Variants in ATP8B4 observed in about 807,000 individuals in gnomAD.
The protein encoded by ATP8B4 is ATPase phospholipid transporting 8B4 (putative).
ATP8B4 carries 133 observed loss-of-function variants against 145.6 expected under a neutral mutation model. That is an observed-to-expected ratio of 0.91 (90% confidence interval 0.79 to 1.05). The LOEUF (loss-of-function observed/expected upper bound fraction) is 1.05. Among genes scored for constraint, ATP8B4 ranks in the 50% least tolerant of loss-of-function variants. The pLI is 0.00. For missense variants in ATP8B4, 1,458 were observed against 1,425.2 expected (o/e 1.02, Z -0.37); for synonymous variants, 507 against 492.9 (o/e 1.03, Z -0.38).
chr15:50,110,003 T>C (rs780892696), intron 1 of ATP8B4, among the ~76,000 whole-genome samples: 1 of 152,242 alleles, frequency 6.6e-6, no homozygotes, highest in Non-Finnish European at 1.5e-5. Context: ...ATGTTGCTAC[T>C]GTTAATTTCT....
intron 16 of ATP8B4, among the ~76,000 whole-genome samples, chr15:49,929,782 C>T (rs1448681426): frequency 6.6e-6 from 1 of 151,778 alleles, no homozygotes; most frequent in African/African-American, 2.4e-5. Flanking sequence ...AAAACAGGGC[C>T]AACAGTCTCA....
chr15:50,065,153 G>C (rs1319087187), intron 3 of ATP8B4, among the ~76,000 whole-genome samples: 1 of 152,014 alleles, frequency 6.6e-6, no homozygotes, highest in Non-Finnish European at 1.5e-5. Context: ...ATGTAAATCA[G>C]GTCGATTTAG....
chr15:49,915,125 C>A (rs1373724790), intron 20 of ATP8B4, among the ~76,000 whole-genome samples: 2 of 152,028 alleles, frequency 1.3e-5, no homozygotes, highest in Non-Finnish European at 2.9e-5. Context: ...GAATACTATT[C>A]AACCATCAAA....
rs184062577 is a variant in ATP8B4, at chr15:49,859,841, G to A, written c.*353C>T. The A allele has an allele frequency of 2.8e-4, 60 of 212,504 alleles. No homozygotes were observed. Among genetic ancestry groups the A allele is most frequent in the African/African-American group, 1.1e-3 (49 of 43,178 alleles). The allele number at this position is 212,504 out of a possible 1,614,324, so 13.2% of individuals were successfully genotyped here. On this transcript the variant is annotated 3_prime_UTR_variant, in exon 28 of 28. Coordinates refer to ENST00000284509, the MANE Select transcript of ATP8B4 (RefSeq NM_024837.4). ...ACCTTTAAAATGCACCCTTTTATCC[G>A]CCTGAGGATCCATTCAGTGAATATG...
In ATP8B4 at chr15:50,159,731, T is replaced by G. The variant is rs947177111; in HGVS notation, c.-43+22530A>C. On this transcript the variant is annotated intron_variant, in intron 1 of 3. Transcript: ENST00000558829. ...GCTTTTTCACCATCAACTGAAAAAATTATACGGCTTTTGTTCTTCATTCTA... is the reference window on the plus strand; with the variant it reads ...GCTTTTTCACCATCAACTGAAAAAAGTATACGGCTTTTGTTCTTCATTCTA... 4.6e-5 allele frequency among the ~76,000 whole-genome samples: 7 copies of G among 152,328 alleles called. No individual in the cohort carries two copies. In the East Asian group the frequency reaches 1.4e-3, roughly 29 times the overall value.
chr15:50,010,857 G>T lies in ATP8B4; in HGVS notation c.423C>A (p.Asn141Lys), dbSNP rs778354697. 1.3e-6 allele frequency: 2 copies of T among 1,557,916 alleles called. No individual in the cohort carries two copies. The highest frequency in any genetic ancestry group is 8.7e-7 in the Non-Finnish European group (1 of 1,150,142). ...KVGDIIKLENNQFVAADLLLL... is the reference protein window; with the variant it reads ...KVGDIIKLENKQFVAADLLLL... Reference sequence around the variant, plus strand: ...ATTGAATACTTACAGCAACAAATTGGTTATTTTCTAATTTAATGATGTCTC... The same window carrying T: ...ATTGAATACTTACAGCAACAAATTGTTTATTTTCTAATTTAATGATGTCTC... The change falls in exon 7 of 28, where the codon AAC becomes AAA. Residue 141 changes from asparagine to lysine, a missense_variant. Coordinates refer to ENST00000284509, the MANE Select transcript of ATP8B4 (RefSeq NM_024837.4).
chr15:50,054,023 T>A (rs752756161), intron 3 of ATP8B4, among the ~76,000 whole-genome samples: 1 of 152,202 alleles, frequency 6.6e-6, no homozygotes, highest in Non-Finnish European at 1.5e-5. Flanking sequence ...AGAGCATAGA[T>A]GTAAAAATAT....
intron 23 of ATP8B4, chr15:49,895,336 G>C (rs564275937): frequency 6.6e-6 from 1 of 152,386 alleles, no homozygotes; most frequent in African/African-American, 2.4e-5. Context: ...CTAGAGCCCA[G>C]TGGGCAGTGC....
chr15:49,950,130 T>C (rs970598765), intron 14 of ATP8B4, among the ~76,000 whole-genome samples: 1 of 152,194 alleles, frequency 6.6e-6, no homozygotes, highest in African/African-American at 2.4e-5. Context: ...TCTTTTTTTG[T>C]TGTGTCTCTT....
intron 6 of ATP8B4, among the ~76,000 whole-genome samples, chr15:50,015,722 T>C (rs1020917777): frequency 6.6e-6 from 1 of 152,206 alleles, no homozygotes; most frequent in Non-Finnish European, 1.5e-5. Flanking sequence ...GAGGAAAACA[T>C]ACAGCTTGGC....
At chr15:49,862,441 T>A (rs964400227) in intron 26 of ATP8B4, 66 bp from the exon 27 acceptor site, 93 of 1,534,982 alleles carry the variant, frequency 6.1e-5, no homozygotes, top group Non-Finnish European at 7.5e-5. Flanking sequence ...ATTAATAGGT[T>A]CTTTGTTCCT....
At chr15:49,864,783 T>A (rs1463473632) in intron 26 of ATP8B4, among the ~76,000 whole-genome samples, 1 of 152,190 alleles carries the variant, frequency 6.6e-6, no homozygotes, top group Non-Finnish European at 1.5e-5. Flanking sequence ...GGTTAACATT[T>A]AAAAAGTACT....
chr15:49,979,760 G>T lies in ATP8B4; in HGVS notation c.891C>A (p.Ile297=). Residue 297 remains isoleucine (I), a synonymous_variant, in exon 12 of 28, where the codon ATC becomes ATA. Coordinates refer to ENST00000284509, the MANE Select transcript of ATP8B4 (RefSeq NM_024837.4). Reference sequence around the variant, plus strand: ...ATTGGTCCCCAGTTTGACTCTCCCAGATTGAATTTCCTATTGCAAGAATAA... The same window carrying T: ...ATTGGTCCCCAGTTTGACTCTCCCATATTGAATTTCCTATTGCAAGAATAA... The part of the protein sequence containing the change: ...LGIILAIGNS[I]WESQTGDQFR... 1 of 1,609,680 alleles carries T rather than the reference G, an allele frequency of 6.2e-7. No individual in the cohort carries two copies. Among genetic ancestry groups the T allele is most frequent in the Admixed American group, 1.7e-5 (1 of 59,614 alleles).
At chr15:50,011,272 C>T (rs922730430) in intron 6 of ATP8B4, among the ~76,000 whole-genome samples, 3 of 152,156 alleles carry the variant, frequency 2.0e-5, no homozygotes, top group Non-Finnish European at 4.4e-5. Context: ...ACAGAAACAT[C>T]ATTGCCATTG....
intron 10 of ATP8B4, among the ~76,000 whole-genome samples, chr15:49,983,516 T>TGTGAAA (rs2046333389): frequency 6.6e-5 from 10 of 152,296 alleles, no homozygotes; most frequent in Admixed American, 5.9e-4. Flanking sequence ...GACCATCACC[T>TGTGAAA]CTCAACTGTG....
chr15:50,010,913 G>T lies in ATP8B4; in HGVS notation c.367C>A (p.Gln123Lys). The T allele has an allele frequency of 6.5e-7, 1 of 1,541,166 alleles. No homozygotes were observed. The highest frequency in any genetic ancestry group is 8.7e-7 in the Non-Finnish European group (1 of 1,145,348). Residue 123 changes from glutamine (Q) to lysine (K), a missense_variant, in exon 7 of 28, where the codon CAG becomes AAG. Physicochemically the swap from Gln to Lys is moderately conservative, Grantham distance 53. Coordinates refer to ENST00000284509, the MANE Select transcript of ATP8B4 (RefSeq NM_024837.4). ...TTGACATTCATCCATTTTTCATTCT[G>T]CAGTCTAAAAACAAAAATAAAATTA... The part of the protein sequence containing the change: ...QSEVLINSKL[Q>K]NEKWMNVKVG...
chr15:50,170,016 A>G (rs1371437897), intron 1 of ATP8B4, among the ~76,000 whole-genome samples: 2 of 152,138 alleles, frequency 1.3e-5, no homozygotes, highest in Non-Finnish European at 1.5e-5. Flanking sequence ...CAAAGCCTCC[A>G]AGAGTCTGGG....
chr15:49,975,601 AC>A (rs1276011946), intron 12 of ATP8B4, among the ~76,000 whole-genome samples: 4 of 152,140 alleles, frequency 2.6e-5, no homozygotes, highest in South Asian at 2.1e-4. Flanking sequence ...TAGATACAAA[AC>A]CCACGTATAC....
chr15:50,093,074 G>C (rs1298300010), intron 2 of ATP8B4, among the ~76,000 whole-genome samples: 1 of 151,888 alleles, frequency 6.6e-6, no homozygotes, highest in African/African-American at 2.4e-5. Context: ...CAGAAGAAAA[G>C]AGTATCAATA....
Sources: gnomAD v4.1 joint callset for allele counts (sites outside exome capture counted in the v4.1 genomes callset) on GRCh38, gnomAD v4.1.1 for gene constraint, MANE v1.5 for transcripts, NCBI Gene and HGNC (gene_info 2026-07-23, HGNC 2026-07-21) for gene names.